The following UIMC1 variants were observed in gnomAD, a reference collection of about 807,000 sequenced individuals.
UIMC1 encodes the protein ubiquitin interaction motif containing 1.
A neutral mutation model predicts 84.9 loss-of-function variants in UIMC1; 42 were observed. The ratio of observed to expected loss-of-function variants is 0.49; its 90% CI spans 0.39 to 0.64. The LOEUF (loss-of-function observed/expected upper bound fraction) is 0.64. Ranked by LOEUF, UIMC1 falls within the 30% of genes least tolerant of loss-of-function variation. UIMC1 has a pLI of 0.00. For synonymous variants in UIMC1, 281 were observed against 293.0 expected (o/e 0.96, Z 0.42); for missense variants, 825 against 847.6 (o/e 0.97, Z 0.33).
chr5:176,995,537 CAAAAAAAAAAAA>C (rs57521139), intron 1 of UIMC1, among the ~76,000 whole-genome samples: 18 of 36,552 alleles, frequency 4.9e-4, no homozygotes, highest in East Asian at 1.6e-3. Flanking sequence ...ACTCTGTCTC[CAAAAAAAAAAAA>C]AAAAAAAAAA....
intron 9 of UIMC1, 47 bp downstream of exon 9, chr5:176,951,427 C>G: frequency 7.1e-7 from 1 of 1,401,088 alleles, no homozygotes; most frequent in Non-Finnish European, 9.5e-7. Flanking sequence ...GAGAGGACTG[C>G]CAACGGAAAG....
chr5:176,932,726 G>A (rs1316526163), intron 10 of UIMC1, among the ~76,000 whole-genome samples: 1 of 152,062 alleles, frequency 6.6e-6, no homozygotes, highest in Non-Finnish European at 1.5e-5. Context: ...ATTCCCAGTT[G>A]CTCTGGAGAT....
At chr5:176,924,241 C>T (rs1405279894) in intron 10 of UIMC1, among the ~76,000 whole-genome samples, 1 of 151,648 alleles carries the variant, frequency 6.6e-6, no homozygotes, top group African/African-American at 2.4e-5. Flanking sequence ...TCGCTTGAAC[C>T]TGGGAGGCGG....
At chr5:177,009,678 G>A (rs529635581), upstream of UIMC1, among the ~76,000 whole-genome samples, 2 of 152,194 alleles carry the variant, frequency 1.3e-5, no homozygotes, top group Non-Finnish European at 2.9e-5. The surrounding 1 kb of genome is among the most constrained non-coding windows in gnomAD (Gnocchi z 4.3). Context: ...GAGGTGGGTG[G>A]ATCACTTGAG....
Position 176,970,812 on chromosome 5 carries a change from G to C in UIMC1, c.287C>G (p.Ala96Gly). The change falls in exon 4 of 15, where the codon GCT becomes GGT. Residue 96 changes from alanine (A) to glycine (G), a missense_variant. Transcript: ENST00000511320. ...ALALKMSEQE[A>G]REVNSQEEEE... ...CTCCTCCTGGCTGTTCACCTCCCTA[G>C]CTTCCTGCTCACTCATTTTGAGAGC... 1 of 1,613,978 alleles carries C rather than the reference G, an allele frequency of 6.2e-7. No homozygotes were observed. Among genetic ancestry groups the C allele is most frequent in the Non-Finnish European group, 8.5e-7 (1 of 1,180,020 alleles).
intron 10 of UIMC1, among the ~76,000 whole-genome samples, chr5:176,922,918 T>C (rs1201859372): frequency 6.6e-6 from 1 of 152,148 alleles, no homozygotes; most frequent in East Asian, 1.9e-4. Flanking sequence ...AATCGCTACA[T>C]TTTGAGTAGG....
rs766321812 is a variant in UIMC1, at chr5:176,928,716, C to A, written c.1597+14619G>T. ...CCTGTAATCCCAGCACTTTGGGAGG[C>A]TGAGGTGGGCGGATCACGAGGTCAG... On this transcript the variant is annotated intron_variant, in intron 10 of 14. Coordinates refer to ENST00000511320, the MANE Select transcript of UIMC1 (RefSeq NM_001199298.2). Among the ~76,000 whole-genome samples, 64 of 152,146 alleles carry A rather than the reference C, an allele frequency of 4.2e-4. 1 individual carries two copies. Among genetic ancestry groups the A allele is most frequent in the Non-Finnish European group, 3.7e-4 (25 of 68,020 alleles).
intron 10 of UIMC1, among the ~76,000 whole-genome samples, chr5:176,940,344 T>C (rs777332298): frequency 3.3e-5 from 5 of 152,222 alleles, no homozygotes; most frequent in South Asian, 2.1e-4. Flanking sequence ...AGCTATCCTA[T>C]ACTACTCCTT....
chr5:176,952,387 T>C (rs1765996632), intron 8 of UIMC1, among the ~76,000 whole-genome samples: 5 of 152,232 alleles, frequency 3.3e-5, no homozygotes, highest in African/African-American at 1.2e-4. Flanking sequence ...TTATACTCGC[T>C]ATCAGTAATA....
chr5:176,943,615 G>T, intron 9 of UIMC1, 127 bp from the exon 10 acceptor site: 1 of 1,211,382 alleles, frequency 8.3e-7, no homozygotes. Context: ...ATCAAATTCA[G>T]GAGTAAAGAT....
At chr5:176,907,282 G>C in intron 12 of UIMC1, 105 bp from the exon 13 acceptor site, 4 of 1,103,526 alleles carry the variant, frequency 3.6e-6, no homozygotes, top group Admixed American at 2.2e-5. Flanking sequence ...AAGGTGTGGG[G>C]GCCACAGCTC....
intron 1 of UIMC1, among the ~76,000 whole-genome samples, chr5:177,000,644 G>A (rs1774315597): frequency 6.6e-6 from 1 of 151,756 alleles, no homozygotes; most frequent in Non-Finnish European, 1.5e-5. Context: ...GGGATTACAG[G>A]CATGCACCAC....
At chr5:176,974,943 C>G (rs573288459) in intron 3 of UIMC1, among the ~76,000 whole-genome samples, 17 of 151,922 alleles carry the variant, frequency 1.1e-4, no homozygotes, top group Admixed American at 9.2e-4. Context: ...TGCTTGAGGC[C>G]AGGAGTTTGA....
chr5:177,018,754 G>A (rs1775725889), intron 1 of UIMC1, among the ~76,000 whole-genome samples: 1 of 152,132 alleles, frequency 6.6e-6, no homozygotes, highest in Non-Finnish European at 1.5e-5. Context: ...CCCTCAGCAG[G>A]GTAGCTCAGG....
At chr5:176,932,347 TCCCA>T (rs1043971114) in intron 10 of UIMC1, among the ~76,000 whole-genome samples, 3 of 152,172 alleles carry the variant, frequency 2.0e-5, no homozygotes, top group African/African-American at 7.2e-5. Context: ...CAAAAAATAT[TCCCA>T]CAGCAAGGAA....
chr5:177,009,966 TG>T (rs1305074864), upstream of UIMC1, among the ~76,000 whole-genome samples: 2 of 152,038 alleles, frequency 1.3e-5, no homozygotes, highest in Non-Finnish European at 2.9e-5. The surrounding 1 kb of genome is among the most constrained non-coding windows in gnomAD (Gnocchi z 4.3). Context: ...AACTCCAACC[TG>T]GGTGACAGAG....
chr5:176,924,812 G>A lies in UIMC1; in HGVS notation c.1598-13423C>T, dbSNP rs557223995. Among the ~76,000 whole-genome samples, 6 of 152,034 alleles carry A rather than the reference G, an allele frequency of 3.9e-5. No homozygotes were observed. In the South Asian group the frequency reaches 6.2e-4, roughly 16 times the overall value. On this transcript the variant is annotated intron_variant, in intron 10 of 14. Transcript: ENST00000511320. ...TCCCAGCACTTTGGGAGGCTGAGGCGGGTGGATCACAAGGTCAGGAGATCA... is the reference window on the plus strand; with the variant it reads ...TCCCAGCACTTTGGGAGGCTGAGGCAGGTGGATCACAAGGTCAGGAGATCA...
intron 1 of UIMC1, among the ~76,000 whole-genome samples, chr5:177,012,949 T>C (rs1406412618): frequency 6.6e-6 from 1 of 151,682 alleles, no homozygotes; most frequent in African/African-American, 2.4e-5. Flanking sequence ...GGCTTGGTAG[T>C]ATGTGCCTAT....
At chr5:176,938,954 A>T (rs1428738375) in intron 10 of UIMC1, among the ~76,000 whole-genome samples, 1 of 151,864 alleles carries the variant, frequency 6.6e-6, no homozygotes. Context: ...CACCATTTAA[A>T]AAAAAAAAAA....
Sources: allele counts gnomAD v4.1 joint callset (sites outside exome capture counted in the v4.1 genomes callset), GRCh38; gene constraint gnomAD v4.1.1; non-coding constraint Gnocchi (gnomAD v3.1); transcripts MANE v1.5; gene names NCBI Gene and HGNC (gene_info 2026-07-23, HGNC 2026-07-21).